The following ARL15 variants were observed in gnomAD, a reference collection of about 807,000 sequenced individuals.
ARL15 encodes the protein ADP-ribosylation factor-like protein 15.
A neutral mutation model predicts 25.2 loss-of-function variants in ARL15; 19 were observed. That is an observed-to-expected ratio of 0.75 (90% CI 0.53 to 1.10). The LOEUF is 1.10. Ranked by LOEUF, ARL15 falls within the 50% of genes least tolerant of loss-of-function variation. The pLI is 0.00. For missense variants in ARL15, 220 were observed against 246.0 expected (o/e 0.89, Z 0.71); for synonymous variants, 94 against 86.8 (o/e 1.08, Z -0.46).
intron 1 of ARL15, among the ~76,000 whole-genome samples, chr5:54,187,047 G>A (rs1261839771): frequency 6.6e-6 from 1 of 152,032 alleles, no homozygotes; most frequent in Admixed American, 6.6e-5. Context: ...TTCATTGGAA[G>A]GATACTGATA....
chr5:54,041,211 G>A lies in ARL15; in HGVS notation c.462+71991C>T, dbSNP rs144505005. On this transcript the variant is annotated intron_variant, in intron 4 of 4. Transcript: ENST00000504924. Reference sequence around the variant, plus strand: ...TATAAATTGAAAATCTATTTATAGAGTAGTCAGGCTAAATCTCTTATTGCT... The same window carrying A: ...TATAAATTGAAAATCTATTTATAGAATAGTCAGGCTAAATCTCTTATTGCT... Among the ~76,000 whole-genome samples, 590 of 152,322 alleles carry A rather than the reference G, an allele frequency of 3.9e-3. 3 individuals carry two copies. Among genetic ancestry groups the A allele is most frequent in the African/African-American group, 0.013 (557 of 41,578 alleles).
At chr5:54,085,940 G>A (rs902110360) in intron 4 of ARL15, among the ~76,000 whole-genome samples, 90 of 150,136 alleles carry the variant, frequency 6.0e-4, no homozygotes, top group African/African-American at 1.9e-3. Flanking sequence ...TTTAGATGGC[G>A]TTTCACTCTT....
intron 2 of ARL15, among the ~76,000 whole-genome samples, chr5:54,171,397 C>T (rs1341656265): frequency 3.9e-5 from 6 of 152,180 alleles, no homozygotes; most frequent in African/African-American, 1.4e-4. Flanking sequence ...ATTCAGACTA[C>T]ATCAGTTTAC....
intron 1 of ARL15, among the ~76,000 whole-genome samples, chr5:54,298,275 G>A (rs1018931641): frequency 3.9e-5 from 6 of 151,996 alleles, no homozygotes; most frequent in African/African-American, 1.2e-4. Flanking sequence ...CATCTAGATG[G>A]CTACAAAGGC....
chr5:54,194,948 A>G, intron 1 of ARL15, among the ~76,000 whole-genome samples: 1 of 152,204 alleles, frequency 6.6e-6, no homozygotes, highest in Non-Finnish European at 1.5e-5. Context: ...GAGGTATGCC[A>G]CAAAGAGTAG....
chr5:54,082,390 T>C (rs554728544), intron 4 of ARL15, among the ~76,000 whole-genome samples: 3 of 152,344 alleles, frequency 2.0e-5, no homozygotes, highest in South Asian at 2.1e-4. Flanking sequence ...GTTGACTTTT[T>C]TTTAACCACC....
chr5:54,136,378 C>G (rs1447633085), intron 3 of ARL15, among the ~76,000 whole-genome samples: 3 of 152,062 alleles, frequency 2.0e-5, no homozygotes, highest in Non-Finnish European at 4.4e-5. Flanking sequence ...TGACTTACAG[C>G]CAGTAAAATA....
chr5:54,170,879 A>C (rs1754694431), intron 2 of ARL15, among the ~76,000 whole-genome samples: 1 of 152,170 alleles, frequency 6.6e-6, no homozygotes, highest in Non-Finnish European at 1.5e-5. Flanking sequence ...GTAGGTGCTC[A>C]AAATAAGCTG....
At chr5:54,053,572 T>C (rs535369718) in intron 4 of ARL15, among the ~76,000 whole-genome samples, 12 of 152,222 alleles carry the variant, frequency 7.9e-5, no homozygotes, top group African/African-American at 2.9e-4. Context: ...AAGCAGGTGA[T>C]AAAAGTTTAT....
At chr5:54,267,418 C>A (rs1192832173) in intron 1 of ARL15, among the ~76,000 whole-genome samples, 1 of 152,084 alleles carries the variant, frequency 6.6e-6, no homozygotes, top group African/African-American at 2.4e-5. Context: ...CAATGATCCT[C>A]GAAATTGTTT....
intron 3 of ARL15, among the ~76,000 whole-genome samples, chr5:54,150,156 C>A (rs1754027264): frequency 6.6e-6 from 1 of 152,196 alleles, no homozygotes; most frequent in African/African-American, 2.4e-5. Flanking sequence ...ACCACCACAA[C>A]TTTCTAGAAC....
chr5:54,036,657 C>T (rs1336097424), intron 4 of ARL15, among the ~76,000 whole-genome samples: 2 of 152,044 alleles, frequency 1.3e-5, no homozygotes, highest in Non-Finnish European at 2.9e-5. Flanking sequence ...CTTAATGTGG[C>T]AGATGGATAA....
At chr5:54,245,565 T>C (rs1233531535) in intron 1 of ARL15, among the ~76,000 whole-genome samples, 1 of 152,068 alleles carries the variant, frequency 6.6e-6, no homozygotes, top group Non-Finnish European at 1.5e-5. Context: ...TCCTAAGCAC[T>C]CTTGCTCTGT....
rs551347252 is a variant in ARL15, at chr5:54,078,770, T to A, written c.462+34432A>T. Among the ~76,000 whole-genome samples the A allele has an allele frequency of 2.0e-3, 307 of 152,286 alleles. 2 individuals are homozygous for A. The highest frequency in any genetic ancestry group is 3.5e-3 in the Non-Finnish European group (240 of 68,022). On this transcript the variant is annotated intron_variant, in intron 4 of 4. Coordinates refer to ENST00000504924, the MANE Select transcript of ARL15 (RefSeq NM_019087.3). ...TAGATGCAAAATATTAAATCATAAATAAAAATAATCACATATAAGCTAACT... is the reference window on the plus strand; with the variant it reads ...TAGATGCAAAATATTAAATCATAAAAAAAAATAATCACATATAAGCTAACT...
At chr5:54,011,235 G>A (rs1302930823) in intron 4 of ARL15, among the ~76,000 whole-genome samples, 1 of 147,846 alleles carries the variant, frequency 6.8e-6, no homozygotes, top group Non-Finnish European at 1.5e-5. Flanking sequence ...AATATCCAGA[G>A]TTCTATACAT....
At chr5:54,127,926 C>T (rs919524806) in intron 3 of ARL15, among the ~76,000 whole-genome samples, 1 of 151,976 alleles carries the variant, frequency 6.6e-6, no homozygotes, top group African/African-American at 2.4e-5. Flanking sequence ...GGAAAGGATT[C>T]CCTATTTAAT....
intron 1 of ARL15, among the ~76,000 whole-genome samples, chr5:54,310,017 T>G (rs1040160195): frequency 6.6e-6 from 1 of 152,246 alleles, no homozygotes; most frequent in African/African-American, 2.4e-5. Context: ...TAGTGAGCCA[T>G]TCTGGTTATG....
intron 4 of ARL15, among the ~76,000 whole-genome samples, chr5:54,030,636 T>C (rs1394818751): frequency 2.0e-5 from 3 of 152,142 alleles, no homozygotes; most frequent in African/African-American, 7.2e-5. Context: ...GAGTTTGGCT[T>C]GTGCCAAGAA....
At chr5:54,154,126 G>A (rs576529221) in intron 3 of ARL15, among the ~76,000 whole-genome samples, 5 of 152,250 alleles carry the variant, frequency 3.3e-5, no homozygotes, top group Admixed American at 2.6e-4. Context: ...AAATGTGCTT[G>A]GCCAGCAAAG....
Sources: allele counts gnomAD v4.1 joint callset (sites outside exome capture counted in the v4.1 genomes callset), GRCh38; gene constraint gnomAD v4.1.1; transcripts MANE v1.5; gene names NCBI Gene and HGNC (gene_info 2026-07-23, HGNC 2026-07-21).